The following PIK3CB variants were observed in gnomAD, a reference collection of about 807,000 sequenced individuals.
PIK3CB encodes the protein phosphatidylinositol 4,5-bisphosphate 3-kinase catalytic subunit beta isoform.
A neutral mutation model predicts 136.8 loss-of-function variants in PIK3CB; 39 were observed. The ratio of observed to expected loss-of-function variants is 0.29; its 90% CI spans 0.22 to 0.37. The LOEUF (loss-of-function observed/expected upper bound fraction) is 0.37. PIK3CB is among the 10% of genes least tolerant of loss of function. The pLI is 1.00. For synonymous variants in PIK3CB, 428 were observed against 436.6 expected, an observed-to-expected ratio of 0.98 and a Z score of 0.25; for missense variants, 868 against 1,275.4, an observed-to-expected ratio of 0.68 and a Z score of 4.87.
intron 10 of PIK3CB, among the ~76,000 whole-genome samples, chr3:138,709,269 T>C (rs570531906): frequency 2.6e-5 from 4 of 152,132 alleles, no homozygotes; most frequent in East Asian, 3.9e-4. Flanking sequence ...CAGCACTGTT[T>C]GAACTATCAG....
At chr3:138,707,001 C>T (rs985553628) in intron 11 of PIK3CB, among the ~76,000 whole-genome samples, 158 bp downstream of exon 11, 6 of 152,202 alleles carry the variant, frequency 3.9e-5, no homozygotes, top group African/African-American at 1.4e-4. Flanking sequence ...CCAAAACTAA[C>T]AGAGTTAAGA....
At chr3:138,675,203 A>T (rs767993184) in intron 19 of PIK3CB, among the ~76,000 whole-genome samples, 2 of 152,240 alleles carry the variant, frequency 1.3e-5, no homozygotes, top group Non-Finnish European at 2.9e-5. Context: ...CCAGGTAGAC[A>T]CAACAGCAGA....
At position 138,694,855 on chromosome 3, in the gene PIK3CB, T is replaced by C; in HGVS notation, c.1823A>G (p.Glu608Gly). 1.2e-6 allele frequency: 2 copies of C among 1,612,994 alleles called. No individual in the cohort carries two copies. Among genetic ancestry groups the C allele is most frequent in the Non-Finnish European group, 1.7e-6 (2 of 1,179,466 alleles). Residue 608 changes from glutamate (E) to glycine (G), a missense_variant, in exon 14 of 24, where the codon GAG becomes GGG. This residue lies in a region of PIK3CB where 612 missense variants were observed against 801.1 expected (regional missense o/e 0.76). Coordinates refer to ENST00000674063, the MANE Select transcript of PIK3CB (RefSeq NM_006219.3). The part of the protein sequence containing the change: ...WPKLPPREAL[E>G]LLDFNYPDQY... ...GTCTGGATAGTTGAAATCCAGAAGCTCTAGGGCCTCCCGGGGGGGCAGTTT... is the reference window on the plus strand; with the variant it reads ...GTCTGGATAGTTGAAATCCAGAAGCCCTAGGGCCTCCCGGGGGGGCAGTTT...
At chr3:138,719,877 C>A (rs897392706) in intron 8 of PIK3CB, among the ~76,000 whole-genome samples, 1 of 151,896 alleles carries the variant, frequency 6.6e-6, no homozygotes, top group Non-Finnish European at 1.5e-5. Flanking sequence ...CATATAAACT[C>A]CCAATCTGCT....
At chr3:138,760,906 T>TA (rs1046939791) in intron 2 of PIK3CB, among the ~76,000 whole-genome samples, 15 of 152,132 alleles carry the variant, frequency 9.9e-5, no homozygotes, top group Admixed American at 9.2e-4. Context: ...GACCCTGTCT[T>TA]AAAAAAATAA....
intron 4 of PIK3CB, among the ~76,000 whole-genome samples, chr3:138,743,900 T>C (rs72990541): frequency 0.035 from 5,310 of 152,240 alleles, 314 homozygotes; most frequent in African/African-American, 0.12. Context: ...TAACTACTAA[T>C]AGCCTACTTA....
At chr3:138,831,873 C>T (rs1397289639) in intron 1 of PIK3CB, among the ~76,000 whole-genome samples, 3 of 151,822 alleles carry the variant, frequency 2.0e-5, no homozygotes, top group South Asian at 2.1e-4. Context: ...GAGCAGAGAT[C>T]GTGCCATTGC....
intron 2 of PIK3CB, among the ~76,000 whole-genome samples, chr3:138,790,387 C>T (rs1381033611): frequency 1.3e-5 from 2 of 149,994 alleles, no homozygotes; most frequent in Non-Finnish European, 3.0e-5. Flanking sequence ...CCAAGGTGGG[C>T]AGATCACTTC....
intron 1 of PIK3CB, among the ~76,000 whole-genome samples, chr3:138,800,411 A>C (rs1421612096): frequency 6.7e-6 from 1 of 150,256 alleles, no homozygotes; most frequent in Non-Finnish European, 1.5e-5. Flanking sequence ...TGCAGCCTTG[A>C]CCTCCTGGGC....
At chr3:138,697,219 A>C (rs764704067) in intron 13 of PIK3CB, among the ~76,000 whole-genome samples, 22 of 152,322 alleles carry the variant, frequency 1.4e-4, no homozygotes, top group Non-Finnish European at 2.4e-4. Flanking sequence ...CAACTAAAAA[A>C]ATGCTTAGAT....
At chr3:138,755,677 T>C (rs555689254) in intron 4 of PIK3CB, 77 bp downstream of exon 4, 63 of 684,106 alleles carry the variant, frequency 9.2e-5, no homozygotes, top group African/African-American at 8.7e-4. Context: ...AAAAGCAATG[T>C]CTTAAATATA....
At chr3:138,716,068 T>G (rs2044600474) in intron 8 of PIK3CB, among the ~76,000 whole-genome samples, 1 of 152,148 alleles carries the variant, frequency 6.6e-6, no homozygotes, top group Non-Finnish European at 1.5e-5. Flanking sequence ...GAAAAAAAAT[T>G]AAGCTAAAAG....
chr3:138,813,572 C>A (rs1179760507), intron 1 of PIK3CB, among the ~76,000 whole-genome samples: 1 of 151,950 alleles, frequency 6.6e-6, no homozygotes, highest in Non-Finnish European at 1.5e-5. Context: ...CGCCCACCAC[C>A]ACACCCACCT....
At chr3:138,754,279 CA>C (rs2045524695) in intron 4 of PIK3CB, among the ~76,000 whole-genome samples, 1 of 151,808 alleles carries the variant, frequency 6.6e-6, no homozygotes, top group Admixed American at 6.6e-5. Context: ...AATAAAAATA[CA>C]AAAATTAGCC....
At chr3:138,725,275 G>C (rs908122605) in intron 8 of PIK3CB, among the ~76,000 whole-genome samples, 2 of 152,140 alleles carry the variant, frequency 1.3e-5, no homozygotes, top group African/African-American at 4.8e-5. Context: ...ATATAACTAG[G>C]CTATGGGGAA....
intron 3 of PIK3CB, 52 bp downstream of exon 3, chr3:138,759,121 C>T: frequency 1.9e-6 from 2 of 1,080,998 alleles, no homozygotes; most frequent in Non-Finnish European, 2.7e-6. Context: ...ATGATATTTC[C>T]CCCAAGTGAC....
chr3:138,655,561 A>G (rs2108383023), intron 23 of PIK3CB, 35 bp from the exon 24 acceptor site: 3 of 1,547,584 alleles, frequency 1.9e-6, no homozygotes, highest in Non-Finnish European at 2.7e-6. Context: ...ATTTTATATA[A>G]CTTTAGTAGA....
intron 16 of PIK3CB, among the ~76,000 whole-genome samples, chr3:138,686,397 C>T (rs1020803981): frequency 6.6e-6 from 1 of 151,700 alleles, no homozygotes; most frequent in Admixed American, 6.6e-5. Context: ...CAAGATCATG[C>T]CACTGTACTC....
At chr3:138,826,501 T>A (rs1326702550) in intron 1 of PIK3CB, among the ~76,000 whole-genome samples, 1 of 32,548 alleles carries the variant, frequency 3.1e-5, no homozygotes, top group East Asian at 8.6e-4. Context: ...CCATTTGGGT[T>A]TTTTTTTTTT....
Sources: gnomAD v4.1 joint callset for allele counts (sites outside exome capture counted in the v4.1 genomes callset) on GRCh38, gnomAD v4.1.1 for gene constraint, gnomAD v4.1.1 regional missense constraint, MANE v1.5 for transcripts, NCBI Gene and HGNC (gene_info 2026-07-23, HGNC 2026-07-21) for gene names.